FARS2: variants seen among roughly 807,000 people sequenced by gnomAD.
FARS2 encodes the protein phenylalanine--tRNA ligase, mitochondrial.
In FARS2, 40 loss-of-function variants were observed where a neutral mutation model predicts 46.4. The observed-to-expected ratio is 0.86, with a 90% CI of 0.67 to 1.12. FARS2 has a LOEUF of 1.12. Among genes scored for constraint, FARS2 ranks in the 50% most tolerant of loss-of-function variants. The pLI, the probability that FARS2 is intolerant of heterozygous loss-of-function variation, is 0.00. For synonymous variants in FARS2, 234 were observed against 214.9 expected (o/e 1.09, Z -0.78); for missense variants, 513 against 567.9 (o/e 0.90, Z 0.98).
At chr6:5,328,622 T>C (rs1312980301) in intron 1 of FARS2, among the ~76,000 whole-genome samples, 2 of 151,994 alleles carry the variant, frequency 1.3e-5, no homozygotes, top group East Asian at 1.9e-4. Flanking sequence ...TTTTCATTGG[T>C]GTTACTGTAT....
rs1169333743 is a variant in FARS2 at position 5,397,008 on chromosome 6, G to A, written c.613-7534G>A. On this transcript the variant is annotated intron_variant, in intron 2 of 6. Coordinates refer to ENST00000274680, the MANE Select transcript of FARS2 (RefSeq NM_006567.5). ...GCAGAAATCACACCCAGTTGCTTCA[G>A]CTATTTGAATTCCTTGGCGCAAAGT... Among the ~76,000 whole-genome samples the A allele has an allele frequency of 6.6e-5, 10 of 152,292 alleles. No homozygotes were observed. The East Asian group carries it at 1.9e-3, about 29-fold the overall frequency.
At chr6:5,330,809 A>G (rs1185626711) in intron 1 of FARS2, among the ~76,000 whole-genome samples, 1 of 152,206 alleles carries the variant, frequency 6.6e-6, no homozygotes, top group East Asian at 1.9e-4. Context: ...AGTAGACATT[A>G]ATTCAATAAT....
intron 3 of FARS2, among the ~76,000 whole-genome samples, chr6:5,422,219 A>C (rs948009551): frequency 3.3e-5 from 5 of 152,146 alleles, no homozygotes; most frequent in African/African-American, 9.7e-5. Context: ...CGAGAACAGC[A>C]TGGGAAAACC....
chr6:5,399,674 T>G (rs924476837), intron 2 of FARS2, among the ~76,000 whole-genome samples: 4 of 152,098 alleles, frequency 2.6e-5, no homozygotes, highest in African/African-American at 9.7e-5. Context: ...TTTTCACAAA[T>G]GAGATGATTC....
chr6:5,302,043 A>G (rs1171690511), intron 1 of FARS2, among the ~76,000 whole-genome samples: 2 of 152,024 alleles, frequency 1.3e-5, no homozygotes, highest in African/African-American at 4.8e-5. Flanking sequence ...TTTTCCAGTT[A>G]CCAGTCATGC....
intron 6 of FARS2, among the ~76,000 whole-genome samples, chr6:5,613,631 G>A (rs1475324272): frequency 6.6e-6 from 1 of 152,162 alleles, no homozygotes; most frequent in Non-Finnish European, 1.5e-5. Flanking sequence ...AGGTGCAGAG[G>A]AAATGGGCAG....
chr6:5,616,033 A>C lies in FARS2; in HGVS notation c.1217+2713A>C, dbSNP rs201828393. On this transcript the variant is annotated intron_variant, in intron 6 of 6. Transcript: ENST00000274680. ...CTTAAAAAAAAAAAAAAAAAAAAAA[A>C]AACAACGAAACAAACAAACAAAAAA... is the stretch of plus-strand genomic sequence containing the variant. Among the ~76,000 whole-genome samples the C allele has an allele frequency of 5.2e-4, 78 of 150,334 alleles. No individual in the cohort carries two copies. The East Asian group carries it at 0.014, about 26-fold the overall frequency.
At chr6:5,693,729 C>T (rs1457873207) in intron 6 of FARS2, among the ~76,000 whole-genome samples, 1 of 152,212 alleles carries the variant, frequency 6.6e-6, no homozygotes, top group Non-Finnish European at 1.5e-5. Flanking sequence ...TGGGATGAGG[C>T]ATCTTTACTT....
In FARS2 at chr6:5,727,992, GC is replaced by G. The variant is rs769497386; in HGVS notation, c.1218-43298del. 3.2e-4 allele frequency among the ~76,000 whole-genome samples: 48 copies of G among 152,324 alleles called. No homozygotes were observed. Among genetic ancestry groups the G allele is most frequent in the Admixed American group, 1.4e-3 (21 of 15,298 alleles). On this transcript the variant is annotated intron_variant, in intron 6 of 6. Coordinates refer to ENST00000274680, the MANE Select transcript of FARS2 (RefSeq NM_006567.5). This position sits in a 1 kb window ranked among gnomAD's most constrained non-coding sequence, Gnocchi z 4.1. Reference sequence around the variant, plus strand: ...CTGGGAGCTTCGCTTACCACCGTGGGCACTTAATGGATGCTAAATAATTGAA... The same window carrying G: ...CTGGGAGCTTCGCTTACCACCGTGGGACTTAATGGATGCTAAATAATTGAA...
intron 4 of FARS2, among the ~76,000 whole-genome samples, chr6:5,476,493 G>A (rs985281104): frequency 1.3e-5 from 2 of 152,120 alleles, no homozygotes; most frequent in African/African-American, 4.8e-5. Context: ...TCCTAGAACT[G>A]TGTGAAGAGT....
chr6:5,757,640 A>G (rs1762277042), intron 6 of FARS2, among the ~76,000 whole-genome samples: 1 of 152,230 alleles, frequency 6.6e-6, no homozygotes. Flanking sequence ...AATGTTTTCT[A>G]GCCAGGATTA....
intron 1 of FARS2, among the ~76,000 whole-genome samples, chr6:5,357,053 C>T (rs1757979368): frequency 6.6e-6 from 1 of 151,960 alleles, no homozygotes; most frequent in African/African-American, 2.4e-5. Context: ...GCAATCTTGC[C>T]ACTATGTTCA....
intron 3 of FARS2, among the ~76,000 whole-genome samples, chr6:5,405,480 C>CTTCTTTTTTTTTT (rs1761518955): frequency 1.7e-5 from 1 of 58,946 alleles, no homozygotes; most frequent in African/African-American, 6.5e-5. Flanking sequence ...GAGCAAGGTT[C>CTTCTTTTTTTTTT]TTTTTTTTTT....
At chr6:5,541,530 C>T (rs1770635440) in intron 4 of FARS2, among the ~76,000 whole-genome samples, 2 of 152,120 alleles carry the variant, frequency 1.3e-5, no homozygotes, top group East Asian at 3.9e-4. Context: ...GAATTGAATT[C>T]ATATTGTAGA....
At chr6:5,669,798 C>T (rs141095056) in intron 6 of FARS2, among the ~76,000 whole-genome samples, 9 of 152,228 alleles carry the variant, frequency 5.9e-5, no homozygotes, top group African/African-American at 2.2e-4. Flanking sequence ...CACCCAGAGC[C>T]TTGTCCGGAG....
At chr6:5,293,341 A>G (rs1404379740) in intron 1 of FARS2, among the ~76,000 whole-genome samples, 2 of 152,238 alleles carry the variant, frequency 1.3e-5, no homozygotes, top group Admixed American at 6.5e-5. Context: ...GCTTTGGCCT[A>G]GGCAAGAAAG....
intron 3 of FARS2, 135 bp downstream of exon 3, chr6:5,404,836 G>A: frequency 3.4e-6 from 2 of 593,986 alleles, no homozygotes; most frequent in Non-Finnish European, 5.2e-6. Context: ...GTCTTGCTCT[G>A]TCACCCAGGC....
chr6:5,697,265 C>T (rs1044025249), intron 6 of FARS2, among the ~76,000 whole-genome samples: 4 of 152,096 alleles, frequency 2.6e-5, no homozygotes, highest in Non-Finnish European at 2.9e-5. Context: ...ATTAGAATGA[C>T]TTTTGTCTTT....
chr6:5,327,640 T>C (rs1458542334), intron 1 of FARS2, among the ~76,000 whole-genome samples: 2 of 152,218 alleles, frequency 1.3e-5, no homozygotes, highest in Non-Finnish European at 2.9e-5. Context: ...GAAACTGTGA[T>C]GCCATTAAAC....
Sources: allele counts gnomAD v4.1 joint callset (sites outside exome capture counted in the v4.1 genomes callset), GRCh38; gene constraint gnomAD v4.1.1; non-coding constraint Gnocchi (gnomAD v3.1); transcripts MANE v1.5; gene names NCBI Gene and HGNC (gene_info 2026-07-23, HGNC 2026-07-21).